COMP: variants seen among roughly 807,000 people sequenced by gnomAD.
COMP encodes the protein cartilage oligomeric matrix protein, also known as cartilage oligomeric matrix protein (pseudoachondroplasia, epiphyseal dysplasia 1, multiple).
Under a neutral mutation model 95.8 loss-of-function variants are expected in COMP, and 79 were observed. The ratio of observed to expected loss-of-function variants is 0.82; its 90% CI spans 0.69 to 0.99. The LOEUF (loss-of-function observed/expected upper bound fraction) is 0.99, where lower values mean the gene tolerates loss of function less well. COMP is among the 50% of genes least tolerant of loss of function. The pLI is 0.00. For missense variants in COMP, 906 were observed against 1,076.1 expected (o/e 0.84, Z 2.21); for synonymous variants, 438 against 433.9 (o/e 1.01, Z -0.12).
chr19:18,783,200 G>A lies in COMP; in HGVS notation c.2088-7C>T, dbSNP rs751548043. On this transcript the variant is annotated splice_polypyrimidine_tract_variant and splice_region_variant and intron_variant, in intron 17 of 18. Coordinates refer to ENST00000222271, the MANE Select transcript of COMP (RefSeq NM_000095.3). ...GCCCTCATAGAATCGCACCCTGAGG[G>A]TCAGACATGGTGAGGCCTGGGGGAC... The A allele has an allele frequency of 3.7e-6, 6 of 1,606,672 alleles. No homozygotes were observed. In the South Asian group the frequency reaches 6.6e-5, roughly 18 times the overall value.
In COMP at chr19:18,788,612, C is replaced by T; in HGVS notation, c.742G>A (p.Asp248Asn). 1 of 1,550,816 alleles carries T rather than the reference C, an allele frequency of 6.4e-7. No individual in the cohort carries two copies. The highest frequency in any genetic ancestry group is 2.4e-5 in the East Asian group (1 of 40,988). Residue 248 changes from aspartate to asparagine, a missense_variant, in exon 7 of 19, where the codon GAT becomes AAT. Physicochemically the swap from Asp to Asn is conservative, Grantham distance 23. Transcript: ENST00000222271. This position sits in a 1 kb window ranked among gnomAD's most constrained non-coding sequence, Gnocchi z 4.7. ...CTCACCACGCACGACCGCGAGCCAT[C>T]GCGCTCTAGGACGCAGTCTGCATGC... is the stretch of plus-strand genomic sequence containing the variant. ...HEHADCVLER[D>N]GSRSCVCAVG...
chr19:18,782,820 C>A lies in COMP; in HGVS notation c.*95G>T. ...TGTCCTCTCTGAGCCCTTCTCACTT[C>A]CCCCTCAGGACGGCCACCCCTTGGG... On this transcript the variant is annotated 3_prime_UTR_variant, in exon 19 of 19. Coordinates refer to ENST00000222271, the MANE Select transcript of COMP (RefSeq NM_000095.3). The A allele has an allele frequency of 7.2e-7, 1 of 1,381,864 alleles. No homozygotes were observed. Among genetic ancestry groups the A allele is most frequent in the Middle Eastern group, 2.5e-4 (1 of 4,042 alleles). 85.6% of individuals were successfully genotyped at this position (1,381,864 alleles called of 1,614,324 possible). A position where few individuals can be genotyped will look rare whatever the true frequency, so the allele number is the denominator to read the frequency against.
chr19:18,786,470 G>C (rs2055168035), intron 11 of COMP, 62 bp downstream of exon 11: 1 of 1,544,176 alleles, frequency 6.5e-7, no homozygotes, highest in Non-Finnish European at 9.0e-7. Context: ...GCTGTGGGCT[G>C]GGTAATCCAA....
intron 17 of COMP, among the ~76,000 whole-genome samples, chr19:18,783,956 G>A (rs1433517521): frequency 1.3e-5 from 2 of 152,068 alleles, no homozygotes; most frequent in East Asian, 3.9e-4. Context: ...ATGTTACCCA[G>A]GCTGCCTCGA....
Position 18,785,731 on chromosome 19 carries a change from A to G in COMP, c.1610T>C (p.Val537Ala), listed in dbSNP as rs1284059132. 12 of 1,613,316 alleles carry G rather than the reference A, an allele frequency of 7.4e-6. No homozygotes were observed. In the Admixed American group the frequency reaches 2.0e-4, roughly 27 times the overall value. ...CGCGTCACCCTCCGGGTCCAGCACG[A>G]CTGTCTGGAAGGCCCTGAAGTCGGT... ...TLTDFRAFQT[V>A]VLDPEGDAQI... Residue 537 changes from valine (V) to alanine (A), a missense_variant, in exon 14 of 19, where the codon GTC becomes GCC. By Grantham distance (64) the Val-to-Ala change is moderately conservative (BLOSUM62 0). Coordinates refer to ENST00000222271, the MANE Select transcript of COMP (RefSeq NM_000095.3).
At chr19:18,791,081 T>G (rs1213661599) in intron 1 of COMP, 110 bp downstream of exon 1, 14 of 1,500,830 alleles carry the variant, frequency 9.3e-6, no homozygotes, top group Non-Finnish European at 1.2e-5. Flanking sequence ...GCCCGGCACG[T>G]CCCCTACGAA....
In COMP at chr19:18,788,758, G is replaced by A. The variant is rs772560579; in HGVS notation, c.604-8C>T. On this transcript the variant is annotated splice_polypyrimidine_tract_variant and splice_region_variant and intron_variant, in intron 6 of 18. Coordinates refer to ENST00000222271, the MANE Select transcript of COMP (RefSeq NM_000095.3). This position sits in a 1 kb window ranked among gnomAD's most constrained non-coding sequence, Gnocchi z 4.7. Reference sequence around the variant, plus strand: ...GCCGCACTGGAAGGAGCCCTGCGCCGGAGCCGCCGGAGGTCAGCGCAGGCC... The same window carrying A: ...GCCGCACTGGAAGGAGCCCTGCGCCAGAGCCGCCGGAGGTCAGCGCAGGCC... The A allele has an allele frequency of 1.3e-6, 2 of 1,584,792 alleles. No individual in the cohort carries two copies. The highest frequency in any genetic ancestry group is 1.8e-4 in the Middle Eastern group (1 of 5,632).
chr19:18,785,474 A>C, intron 15 of COMP, 24 bp downstream of exon 15: 1 of 1,611,966 alleles, frequency 6.2e-7, no homozygotes, highest in Non-Finnish European at 8.5e-7. Flanking sequence ...CCGTGGCAGG[A>C]TAGCGCTGCT....
At chr19:18,787,684 G>C in intron 9 of COMP, 34 bp from the exon 10 acceptor site, 1 of 1,611,270 alleles carries the variant, frequency 6.2e-7, no homozygotes, top group Non-Finnish European at 8.5e-7. Context: ...GTGAGATCAG[G>C]TCGAGAAGGC....
intron 17 of COMP, 121 bp from the exon 18 acceptor site, chr19:18,783,314 CCTCTG>C: frequency 7.1e-7 from 1 of 1,403,342 alleles, no homozygotes; most frequent in Non-Finnish European, 9.6e-7. Flanking sequence ...GCAAGTGAGG[CCTCTG>C]CCTTGGGCCT....
In COMP at chr19:18,785,807, T is replaced by G. The variant is rs771590987; in HGVS notation, c.1534A>C (p.Lys512Gln). Residue 512 changes from lysine to glutamine, a missense_variant, in exon 14 of 19, where the codon AAG (lysine) becomes CAG (glutamine). By Grantham distance (53) the Lys-to-Gln change is moderately conservative. Transcript: ENST00000222271. ...CACACGTCGATCTTGTCTACCACCT[T>G]GTCTGCATCAAAGTCGTCCTGGCAC... ...DVCQDDFDAD[K>Q]VVDKIDVCPE... 1 of 1,613,042 alleles carries G rather than the reference T, an allele frequency of 6.2e-7. No individual in the cohort carries two copies. Among genetic ancestry groups the G allele is most frequent in the East Asian group, 2.2e-5 (1 of 44,850 alleles).
rs370201788 is a variant in COMP, at chr19:18,788,195, C to T, written c.975+17G>A. 2 of 1,606,234 alleles carry T rather than the reference C, an allele frequency of 1.2e-6. No individual in the cohort carries two copies. The highest frequency in any genetic ancestry group is 1.7e-6 in the Non-Finnish European group (2 of 1,174,388). On this transcript the variant is annotated intron_variant, in intron 9 of 18. Transcript: ENST00000222271. The surrounding 1 kb of genome is among the most constrained non-coding windows in gnomAD (Gnocchi z 4.7). ...GGGATTACAGGAGTGAACCACCGTGCCGAGCCGTAGATCTACCTTTTCATT... is the reference window on the plus strand; with the variant it reads ...GGGATTACAGGAGTGAACCACCGTGTCGAGCCGTAGATCTACCTTTTCATT...
At position 18,783,069 on chromosome 19, in the gene COMP, G is replaced by C. The variant is rs776802201; in HGVS notation, c.2212C>G (p.Arg738Gly). 6.2e-7 allele frequency: 1 copy of C among 1,612,128 alleles called. No homozygotes were observed. The highest frequency in any genetic ancestry group is 1.3e-5 in the African/African-American group (1 of 74,940). The change falls in exon 18 of 19, where the codon CGT (arginine) becomes GGT (glycine). Residue 738 changes from arginine to glycine, a missense_variant. Arg to Gly is a moderately radical substitution (Grantham distance 125). Transcript: ENST00000222271. ...CTCGGCTCACCATTGCAGCGGTAACGCAGGTTGGCCCAGATGATGTTCTCC... is the reference window on the plus strand; with the variant it reads ...CTCGGCTCACCATTGCAGCGGTAACCCAGGTTGGCCCAGATGATGTTCTCC... Reference protein sequence around the residue: ...SQENIIWANLRYRCNDTIPED... With the variant: ...SQENIIWANLGYRCNDTIPED...
chr19:18,786,634 G>C lies in COMP; in HGVS notation c.1152C>G (p.Ala384=), dbSNP rs775203006. ...AGTTGGGTACCCTAGGGCAGTTGTCGGCCTGGTTGCGGATCCCTGCAGAAA... is the reference window on the plus strand; with the variant it reads ...AGTTGGGTACCCTAGGGCAGTTGTCCGCCTGGTTGCGGATCCCTGCAGAAA... The part of the protein sequence containing the change: ...DIDGDRIRNQ[A]DNCPRVPNSD... Residue 384 remains alanine, a synonymous_variant, in exon 11 of 19, where the codon GCC becomes GCG. Coordinates refer to ENST00000222271, the MANE Select transcript of COMP (RefSeq NM_000095.3). 5.0e-6 allele frequency: 8 copies of C among 1,613,890 alleles called. No homozygotes were observed. Among genetic ancestry groups the C allele is most frequent in the South Asian group, 1.1e-5 (1 of 91,062 alleles).
Position 18,790,126 on chromosome 19 carries a change from A to AG in COMP, c.218-13dup. ...TGACTGCTGCATCCCTGCGGGGGGG[A>AG]GGGGGGAGAAGCGGCGGGGCTGATC... is the stretch of plus-strand genomic sequence containing the variant. On this transcript the variant is annotated splice_polypyrimidine_tract_variant and intron_variant, in intron 3 of 18. Coordinates refer to ENST00000222271, the MANE Select transcript of COMP (RefSeq NM_000095.3). 1 of 1,437,646 alleles carries AG rather than the reference A, an allele frequency of 7.0e-7. No individual in the cohort carries two copies. Among genetic ancestry groups the AG allele is most frequent in the East Asian group, 2.7e-5 (1 of 36,840 alleles). The allele number at this position is 1,437,646 out of a possible 1,614,324, so 89.1% of individuals were successfully genotyped here. A position where few individuals can be genotyped will look rare whatever the true frequency, so the allele number is the denominator to read the frequency against.
intron 9 of COMP, among the ~76,000 whole-genome samples, chr19:18,787,874 C>CTT (rs1320706686): frequency 1.2e-3 from 14 of 11,958 alleles, no homozygotes; most frequent in East Asian, 0.042. Flanking sequence ...CTCTTTCTTT[C>CTT]TTTCTTTCTT....
At position 18,788,127 on chromosome 19, in the gene COMP, C is replaced by T. The variant is rs1016042915; in HGVS notation, c.975+85G>A. 1.3e-5 allele frequency: 15 copies of T among 1,124,848 alleles called. No individual in the cohort carries two copies. The African/African-American group carries it at 2.3e-4, about 17-fold the overall frequency. 69.7% of individuals were successfully genotyped at this position (1,124,848 alleles called of 1,614,324 possible). On this transcript the variant is annotated intron_variant, in intron 9 of 18. Transcript: ENST00000222271. The surrounding 1 kb of genome is among the most constrained non-coding windows in gnomAD (Gnocchi z 4.7). ...CCATGATGGCCAGGATGGTCTCCAT[C>T]TCTTGACCTCGTGATCCGCCCGCCT... is the stretch of plus-strand genomic sequence containing the variant.
At chr19:18,786,397 C>T in intron 11 of COMP, 106 bp from the exon 12 acceptor site, 1 of 1,569,216 alleles carries the variant, frequency 6.4e-7, no homozygotes. Flanking sequence ...CAAGGAAACC[C>T]CCACCGCAGG....
At position 18,787,866 on chromosome 19, in the gene COMP, C is replaced by T. The variant is rs8105006; in HGVS notation, c.976-216G>A. Reference sequence around the variant, plus strand: ...TTTTCTTTTTTCTTTTTCTTTTTCTCTTTCTTTCTTTCTTTCTTTCTTTCT... The same window carrying T: ...TTTTCTTTTTTCTTTTTCTTTTTCTTTTTCTTTCTTTCTTTCTTTCTTTCT... On this transcript the variant is annotated intron_variant, in intron 9 of 18. Transcript: ENST00000222271. 0.53 allele frequency among the ~76,000 whole-genome samples: 50,640 copies of T among 96,420 alleles called. 10,935 individuals are homozygous for T. Among genetic ancestry groups the T allele is most frequent in the East Asian group, 0.79 (3,617 of 4,558 alleles). 63.3% of individuals were successfully genotyped at this position (96,420 alleles called of 152,430 possible).
Sources: allele counts gnomAD v4.1 joint callset (sites outside exome capture counted in the v4.1 genomes callset), GRCh38; gene constraint gnomAD v4.1.1; non-coding constraint Gnocchi (gnomAD v3.1); transcripts MANE v1.5; gene names NCBI Gene and HGNC (gene_info 2026-07-23, HGNC 2026-07-21).